Variants in PLEKHG4B observed in about 807,000 individuals in gnomAD.
PLEKHG4B encodes the protein pleckstrin homology and RhoGEF domain containing G4B.
Under a neutral mutation model 121.3 loss-of-function variants are expected in PLEKHG4B, and 111 were observed. The ratio of observed to expected loss-of-function variants is 0.92; its 90% CI spans 0.78 to 1.07. The LOEUF (loss-of-function observed/expected upper bound fraction) is 1.07. PLEKHG4B is among the 50% of genes least tolerant of loss of function. The probability of loss-of-function intolerance (pLI) is 0.00; values close to 1 mark genes in which losing one functional copy is unlikely to be tolerated. For missense variants in PLEKHG4B, 1,831 were observed against 1,757.8 expected, an observed-to-expected ratio of 1.04 and a Z score of -0.74; for synonymous variants, 738 against 725.0, an observed-to-expected ratio of 1.02 and a Z score of -0.29.
At chr5:114,552 G>C (rs1023024073) in intron 2 of PLEKHG4B, among the ~76,000 whole-genome samples, 5 of 152,086 alleles carry the variant, frequency 3.3e-5, no homozygotes, top group Non-Finnish European at 7.4e-5. Flanking sequence ...CCGCCACCCA[G>C]GTTCAAGCAA....
intron 1 of PLEKHG4B, among the ~76,000 whole-genome samples, chr5:97,370 C>A (rs574286863): frequency 6.6e-6 from 1 of 152,080 alleles, no homozygotes; most frequent in South Asian, 2.1e-4. Flanking sequence ...ATTCCGAAGT[C>A]AAAACCCCTT....
At chr5:128,705 T>G (rs760234721) in intron 2 of PLEKHG4B, among the ~76,000 whole-genome samples, 30 of 152,242 alleles carry the variant, frequency 2.0e-4, no homozygotes, top group Non-Finnish European at 3.1e-4. Context: ...ATTCTGCCAG[T>G]GCAGGTGTTG....
At chr5:171,021 G>A (rs777167768) in intron 14 of PLEKHG4B, 22 bp from the exon 15 acceptor site, 8 of 1,595,936 alleles carry the variant, frequency 5.0e-6, no homozygotes, top group South Asian at 2.3e-5. Context: ...CCACAGCCAA[G>A]CAGTCGCCTC....
chr5:155,539 A>C, intron 9 of PLEKHG4B, 96 bp downstream of exon 9: 1 of 934,744 alleles, frequency 1.1e-6, no homozygotes, highest in Non-Finnish European at 1.7e-6. Flanking sequence ...TTGGTTCACT[A>C]TCATCTGTAG....
intron 6 of PLEKHG4B, among the ~76,000 whole-genome samples, chr5:145,708 G>A (rs1403213189): frequency 6.6e-6 from 1 of 152,162 alleles, no homozygotes; most frequent in Non-Finnish European, 1.5e-5. Flanking sequence ...GGGAAGCACC[G>A]GGGATGGGAA....
Position 143,141 on chromosome 5 carries a change from A to T in PLEKHG4B, c.1572A>T (p.Pro524=). 1 of 1,612,646 alleles carries T rather than the reference A, an allele frequency of 6.2e-7. No individual in the cohort carries two copies. Residue 524 remains proline (P), a synonymous_variant, in exon 4 of 20, where the codon CCA becomes CCT. Coordinates refer to ENST00000637938, the MANE Select transcript of PLEKHG4B (RefSeq NM_052909.5). ...SGPSDVPARQ[P]HPEQEGWPPG... ...CTTCCGATGTGCCTGCCCGGCAGCC[A>T]CACCCCGAGCAAGAAGGGTGGCCAC...
rs1373149715 is a variant in PLEKHG4B at position 163,369 on chromosome 5, C to G, written c.3297C>G (p.Cys1099Trp). Residue 1099 changes from cysteine to tryptophan, a missense_variant, in exon 13 of 20, where the codon TGC becomes TGG. Coordinates refer to ENST00000637938, the MANE Select transcript of PLEKHG4B (RefSeq NM_052909.5). The stretch of plus-strand genomic sequence containing the variant: ...CCGACAGTGGCCCCAGGGACTCCTG[C>G]CAGCCAGACCATACTAGTGTCTTCA... Reference protein sequence around the residue: ...PQPDSGPRDSCQPDHTSVFSK... With the variant: ...PQPDSGPRDSWQPDHTSVFSK... The G allele has an allele frequency of 6.2e-7, 1 of 1,613,240 alleles. No individual in the cohort carries two copies. The highest frequency in any genetic ancestry group is 1.3e-5 in the African/African-American group (1 of 75,074).
intron 1 of PLEKHG4B, among the ~76,000 whole-genome samples, chr5:94,188 T>G: frequency 6.6e-6 from 1 of 152,308 alleles, no homozygotes; most frequent in East Asian, 1.9e-4. Context: ...TCAAGGGCCC[T>G]GAAATTTTGG....
At chr5:103,824 G>A (rs1297181031) in intron 1 of PLEKHG4B, among the ~76,000 whole-genome samples, 2 of 152,124 alleles carry the variant, frequency 1.3e-5, no homozygotes, top group African/African-American at 4.8e-5. Flanking sequence ...CCTTCTATCT[G>A]ACTGTATTTT....
In PLEKHG4B at chr5:140,509, A is replaced by C. The variant is rs1009283614; in HGVS notation, c.1270A>C (p.Thr424Pro). The C allele has an allele frequency of 1.3e-6, 2 of 1,597,470 alleles. No homozygotes were observed. Among genetic ancestry groups the C allele is most frequent in the African/African-American group, 2.7e-5 (2 of 74,458 alleles). Residue 424 changes from threonine (T) to proline (P), a missense_variant, in exon 3 of 20, where the codon ACA (threonine) becomes CCA (proline). Thr to Pro is a conservative substitution (Grantham distance 38, BLOSUM62 -1). Transcript: ENST00000637938. ...LEKERHTPSR[T>P]GPGAAGRTLP... ...GAAGGAGAGGCACACACCCAGCCGG[A>C]CAGGTCCAGGAGCTGCAGGGCGGAC...
At position 163,277 on chromosome 5, in the gene PLEKHG4B, A is replaced by C. The variant is rs543235181; in HGVS notation, c.3205A>C (p.Ser1069Arg). Reference protein sequence around the residue: ...CSSEPTQTLASRPRKHPQKKM... With the variant: ...CSSEPTQTLARRPRKHPQKKM... ...CTCTGAGCCCACCCAGACCCTGGCC[A>C]GCCGCCCCAGGAAACATCCCCAGAA... is the stretch of plus-strand genomic sequence containing the variant. The change falls in exon 13 of 20, where the codon AGC (serine) becomes CGC (arginine). Residue 1069 changes from serine to arginine, a missense_variant. Physicochemically the swap from Ser to Arg is moderately radical, Grantham distance 110 (BLOSUM62 -1). Coordinates refer to ENST00000637938, the MANE Select transcript of PLEKHG4B (RefSeq NM_052909.5). The C allele has an allele frequency of 3.4e-5, 55 of 1,613,148 alleles. No homozygotes were observed. In the South Asian group the frequency reaches 5.8e-4, roughly 17 times the overall value.
At position 169,557 on chromosome 5, in the gene PLEKHG4B, T is replaced by G; in HGVS notation, c.3694T>G (p.Cys1232Gly). The G allele has an allele frequency of 6.2e-7, 1 of 1,613,780 alleles. No homozygotes were observed. Among genetic ancestry groups the G allele is most frequent in the South Asian group, 1.1e-5 (1 of 91,088 alleles). ...CCGGGAGCTGGAGCGCTGCCAGCAC[T>G]GCCCCTTGGCCGTGGGCCGCAGTTT... ...FLRELERCQH[C>G]PLAVGRSFLR... The change falls in exon 14 of 20, where the codon TGC becomes GGC. Residue 1232 changes from cysteine to glycine, a missense_variant. Coordinates refer to ENST00000637938, the MANE Select transcript of PLEKHG4B (RefSeq NM_052909.5).
intron 2 of PLEKHG4B, among the ~76,000 whole-genome samples, chr5:114,307 A>G (rs535118437): frequency 6.6e-6 from 1 of 152,264 alleles, no homozygotes; most frequent in Admixed American, 6.5e-5. Context: ...GTTTGACAGC[A>G]TTTTACCCAC....
intron 1 of PLEKHG4B, among the ~76,000 whole-genome samples, chr5:93,920 T>C (rs978206936): frequency 6.6e-6 from 1 of 152,228 alleles, no homozygotes; most frequent in Non-Finnish European, 1.5e-5. Flanking sequence ...CAGAGATTTT[T>C]GTGGGAAATC....
chr5:101,339 C>T lies in PLEKHG4B; in HGVS notation c.45+9063C>T, dbSNP rs868539706. Among the ~76,000 whole-genome samples the T allele has an allele frequency of 9.8e-4, 96 of 97,572 alleles. 2 individuals carry two copies. The highest frequency in any genetic ancestry group is 8.6e-3 in the Middle Eastern group (1 of 116). The allele number at this position is 97,572 out of a possible 152,430, so 64.0% of individuals were successfully genotyped here. A position where few individuals can be genotyped will look rare whatever the true frequency, so the allele number is the denominator to read the frequency against. On this transcript the variant is annotated intron_variant, in intron 1 of 19. Transcript: ENST00000637938. Reference sequence around the variant, plus strand: ...GTTGTGAGGTTAATCCATATAAAGCCCTGGAAAAAGCCTGTAGGGGAGAGA... The same window carrying T: ...GTTGTGAGGTTAATCCATATAAAGCTCTGGAAAAAGCCTGTAGGGGAGAGA...
intron 2 of PLEKHG4B, among the ~76,000 whole-genome samples, chr5:135,681 AAATATATATATATATATATATAT>A (rs1333448798): frequency 2.0e-3 from 78 of 38,684 alleles, no homozygotes; most frequent in South Asian, 2.7e-3. Flanking sequence ...AAAAAAAAAA[AAATATATATATATATATATATAT>A]ATATATATAT....
intron 2 of PLEKHG4B, among the ~76,000 whole-genome samples, chr5:119,427 T>C (rs564496818): frequency 2.8e-4 from 42 of 152,260 alleles, no homozygotes; most frequent in African/African-American, 9.6e-4. Context: ...ACCTCCAGCA[T>C]AAATGGGTTA....
At position 140,855 on chromosome 5, in the gene PLEKHG4B, C is replaced by T; in HGVS notation, c.1477+139C>T. ...GCACACCACCACAACCTCCCCTGCA[C>T]ACCCCCACCCTCTCCCCTGCACACC... On this transcript the variant is annotated intron_variant, in intron 3 of 19. Coordinates refer to ENST00000637938, the MANE Select transcript of PLEKHG4B (RefSeq NM_052909.5). 3.8e-5 allele frequency: 21 copies of T among 553,784 alleles called. No homozygotes were observed. In the South Asian group the frequency reaches 3.8e-4, roughly 10 times the overall value. 34.3% of individuals were successfully genotyped at this position (553,784 alleles called of 1,614,324 possible).
At chr5:117,173 A>T (rs543845939) in intron 2 of PLEKHG4B, among the ~76,000 whole-genome samples, 3 of 152,242 alleles carry the variant, frequency 2.0e-5, no homozygotes, top group Non-Finnish European at 4.4e-5. Flanking sequence ...CACAAAACTT[A>T]GGGACAGTCT....
Sources: gnomAD v4.1 joint callset for allele counts (sites outside exome capture counted in the v4.1 genomes callset) on GRCh38, gnomAD v4.1.1 for gene constraint, MANE v1.5 for transcripts, NCBI Gene and HGNC (gene_info 2026-07-23, HGNC 2026-07-21) for gene names.